CNTN3: variants seen among roughly 807,000 people sequenced by gnomAD.
CNTN3 encodes contactin 3, also known as contactin-3.
Under a neutral mutation model 119.1 loss-of-function variants are expected in CNTN3, and 60 were observed. The observed-to-expected ratio is 0.50, with a 90% CI of 0.41 to 0.62. The LOEUF (loss-of-function observed/expected upper bound fraction) is 0.62, where lower values mean the gene tolerates loss of function less well. CNTN3 is among the 20% of genes least tolerant of loss of function. CNTN3 has a pLI of 0.00. For missense variants in CNTN3, 1,101 were observed against 1,242.4 expected (o/e 0.89, Z 1.71); for synonymous variants, 450 against 438.7 (o/e 1.03, Z -0.32).
intron 20 of CNTN3, among the ~76,000 whole-genome samples, chr3:74,279,099 T>G (rs1436440294): frequency 2.0e-5 from 3 of 151,846 alleles, no homozygotes; most frequent in African/African-American, 2.4e-5. Context: ...CAATAAAAAA[T>G]CAAAAAACAG....
intron 22 of CNTN3, among the ~76,000 whole-genome samples, 187 bp from the exon 23 acceptor site, chr3:74,264,688 C>T (rs1404585495): frequency 6.6e-6 from 1 of 152,050 alleles, no homozygotes; most frequent in Non-Finnish European, 1.5e-5. Context: ...TGACCTTGGG[C>T]TTCTCAGACT....
intron 11 of CNTN3, among the ~76,000 whole-genome samples, chr3:74,342,322 T>C (rs548362979): frequency 4.6e-5 from 7 of 152,134 alleles, no homozygotes; most frequent in South Asian, 2.1e-4. Context: ...TTTAGGAAAA[T>C]AGTATTAGCG....
chr3:74,291,874 C>T (rs191143674), intron 19 of CNTN3, among the ~76,000 whole-genome samples: 68 of 152,156 alleles, frequency 4.5e-4, no homozygotes, highest in African/African-American at 1.3e-3. Flanking sequence ...AAATCACTGC[C>T]GAGTGTGGGA....
chr3:74,530,079 G>A (rs1703673077), intron 1 of CNTN3, among the ~76,000 whole-genome samples: 1 of 152,040 alleles, frequency 6.6e-6, no homozygotes, highest in Non-Finnish European at 1.5e-5. Context: ...TTCACTGCAT[G>A]CCTGCAGCAT....
intron 1 of CNTN3, among the ~76,000 whole-genome samples, chr3:74,530,971 G>A (rs4677409): frequency 0.99 from 150,511 of 152,026 alleles, 74,514 homozygotes; most frequent in Middle Eastern, 1. Context: ...CTAAGCCACT[G>A]CAACAGGATC....
At chr3:74,346,413 C>G (rs1703688697) in intron 11 of CNTN3, among the ~76,000 whole-genome samples, 2 of 151,750 alleles carry the variant, frequency 1.3e-5, no homozygotes, top group Non-Finnish European at 2.9e-5. Context: ...TTTAGAATTT[C>G]AGACTCAAAA....
chr3:74,276,941 T>TA (rs1399678724), intron 20 of CNTN3, among the ~76,000 whole-genome samples: 3 of 152,006 alleles, frequency 2.0e-5, no homozygotes, highest in Admixed American at 6.6e-5. Flanking sequence ...TAAGAAATGA[T>TA]ACGGGAGATA....
At chr3:74,507,568 G>A (rs1703285356) in intron 2 of CNTN3, among the ~76,000 whole-genome samples, 1 of 151,020 alleles carries the variant, frequency 6.6e-6, no homozygotes, top group Non-Finnish European at 1.5e-5. Context: ...AAATGTCTGA[G>A]TGTATAAACA....
intron 13 of CNTN3, among the ~76,000 whole-genome samples, chr3:74,321,942 T>C (rs2106674627): frequency 6.6e-6 from 1 of 152,300 alleles, no homozygotes; most frequent in South Asian, 2.1e-4. Context: ...ATGGGTTCAA[T>C]GGTGAATCCG....
intron 5 of CNTN3, among the ~76,000 whole-genome samples, chr3:74,398,548 G>A (rs1052261486): frequency 6.6e-6 from 1 of 152,188 alleles, no homozygotes; most frequent in Non-Finnish European, 1.5e-5. Flanking sequence ...TGCCATATTT[G>A]CTTTATTGAG....
chr3:74,382,203 C>T (rs531103839), intron 5 of CNTN3, among the ~76,000 whole-genome samples: 83 of 151,432 alleles, frequency 5.5e-4, no homozygotes, highest in South Asian at 4.2e-3. Context: ...AGCAAAATTC[C>T]GCCTAAAAAA....
intron 5 of CNTN3, among the ~76,000 whole-genome samples, chr3:74,394,001 G>GA (rs1252525910): frequency 6.6e-6 from 1 of 152,180 alleles, no homozygotes; most frequent in Non-Finnish European, 1.5e-5. Context: ...AGGTAGAGGA[G>GA]ATATTGTGCA....
At chr3:74,421,939 T>C (rs1701622046) in intron 5 of CNTN3, among the ~76,000 whole-genome samples, 1 of 152,262 alleles carries the variant, frequency 6.6e-6, no homozygotes, top group Non-Finnish European at 1.5e-5. Context: ...CTCACCTGTC[T>C]GGTTGGCACC....
chr3:74,271,804 G>A (rs1701782934), intron 20 of CNTN3, among the ~76,000 whole-genome samples: 1 of 152,070 alleles, frequency 6.6e-6, no homozygotes, highest in Admixed American at 6.6e-5. Flanking sequence ...AGCCAATTAT[G>A]CACCCCCCCA....
intron 4 of CNTN3, among the ~76,000 whole-genome samples, chr3:74,451,586 G>C (rs1702156806): frequency 6.6e-6 from 1 of 152,114 alleles, no homozygotes; most frequent in South Asian, 2.1e-4. Flanking sequence ...TGAAGTCCTT[G>C]CCCGTGCCTA....
chr3:74,482,035 G>C (rs1243148586), intron 4 of CNTN3, among the ~76,000 whole-genome samples: 4 of 151,602 alleles, frequency 2.6e-5, no homozygotes, highest in Non-Finnish European at 5.9e-5. Flanking sequence ...TTTCCTCAAA[G>C]AAAACTCCAA....
intron 1 of CNTN3, among the ~76,000 whole-genome samples, chr3:74,593,734 T>C (rs564320129): frequency 8.0e-4 from 121 of 152,142 alleles, no homozygotes; most frequent in African/African-American, 2.7e-3. Context: ...GGTCTGTTTC[T>C]TGATTGGGAC....
At chr3:74,558,550 T>C (rs1269020370) in intron 1 of CNTN3, among the ~76,000 whole-genome samples, 1 of 152,202 alleles carries the variant, frequency 6.6e-6, no homozygotes, top group African/African-American at 2.4e-5. Flanking sequence ...CAGAACAGCA[T>C]AGAGATGGTC....
In CNTN3 at chr3:74,569,646, T is replaced by C. The variant is rs184002889; in HGVS notation, c.-81+44745A>G. 1.2e-3 allele frequency among the ~76,000 whole-genome samples: 183 copies of C among 152,360 alleles called. 1 individual carries two copies. The highest frequency in any genetic ancestry group is 2.2e-3 in the African/African-American group (90 of 41,590). ...CAGATTTTTCTTAAGCTTTGTGTAC[T>C]GATTTTCTATTGCTGCATAACAAAT... is the stretch of plus-strand genomic sequence containing the variant. On this transcript the variant is annotated intron_variant, in intron 1 of 22. Coordinates refer to ENST00000263665, the MANE Select transcript of CNTN3 (RefSeq NM_020872.3).
Sources: gnomAD v4.1 joint callset for allele counts (sites outside exome capture counted in the v4.1 genomes callset) on GRCh38, gnomAD v4.1.1 for gene constraint, MANE v1.5 for transcripts, NCBI Gene and HGNC (gene_info 2026-07-23, HGNC 2026-07-21) for gene names.